PDE3A: variants seen among roughly 807,000 people sequenced by gnomAD.
The protein encoded by PDE3A is phosphodiesterase 3A.
PDE3A carries 43 observed loss-of-function variants against 98.3 expected under a neutral mutation model. The observed-to-expected ratio is 0.44, with a 90% CI of 0.34 to 0.56. PDE3A has a LOEUF of 0.56. Ranked by LOEUF, PDE3A falls within the 20% of genes least tolerant of loss-of-function variation. The pLI, the probability that PDE3A is intolerant of heterozygous loss-of-function variation, is 0.01. For synonymous variants in PDE3A, 663 were observed against 567.9 expected (o/e 1.17, Z -2.38); for missense variants, 1,427 against 1,440.7 (o/e 0.99, Z 0.15).
chr12:20,369,658 G>A lies in PDE3A; in HGVS notation c.374G>A (p.Arg125Gln), dbSNP rs756739153. The stretch of plus-strand genomic sequence containing the variant: ...GGAGGTGCTCCCGGGGGCGGTGCGC[G>A]GCTCAGCCCCTGGCTGCAGCCCTCG... ...PRGGAPGGGA[R>Q]LSPWLQPSAL... The change falls in exon 1 of 16, where the codon CGG (arginine) becomes CAG (glutamine). Residue 125 changes from arginine to glutamine, a missense_variant. This residue lies in a region of PDE3A where 1,012 missense variants were observed against 886.5 expected (regional missense o/e 1.14). Coordinates refer to ENST00000359062, the MANE Select transcript of PDE3A (RefSeq NM_000921.5). The A allele has an allele frequency of 6.2e-6, 10 of 1,603,450 alleles. No homozygotes were observed. Among genetic ancestry groups the A allele is most frequent in the African/African-American group, 1.3e-5 (1 of 74,792 alleles).
chr12:20,567,007 T>A (rs1473972840), intron 2 of PDE3A, among the ~76,000 whole-genome samples: 3 of 151,942 alleles, frequency 2.0e-5, no homozygotes, highest in Non-Finnish European at 4.4e-5. Context: ...TAAAGAGTAC[T>A]CCAATTAACT....
At position 20,639,802 on chromosome 12, in the gene PDE3A, C is replaced by T. The variant is rs777552600; in HGVS notation, c.2140-44C>T. The T allele has an allele frequency of 4.7e-6, 4 of 849,760 alleles. No homozygotes were observed. In the South Asian group the frequency reaches 5.5e-5, roughly 12 times the overall value. The allele number at this position is 849,760 out of a possible 1,614,324, so 52.6% of individuals were successfully genotyped here. On this transcript the variant is annotated intron_variant, in intron 9 of 15. Transcript: ENST00000359062. ...TCACCACTGTTCTCTTTATGTCTGA[C>T]ATACACATAGGGATGTTTCATAAGG...
chr12:20,574,743 T>C (rs1032546124), intron 2 of PDE3A, among the ~76,000 whole-genome samples: 2 of 151,976 alleles, frequency 1.3e-5, no homozygotes, highest in African/African-American at 2.4e-5. Flanking sequence ...CCTTGGACCA[T>C]AGAGGATCAA....
intron 2 of PDE3A, among the ~76,000 whole-genome samples, chr12:20,597,850 A>T (rs1444178123): frequency 6.6e-6 from 1 of 151,930 alleles, no homozygotes; most frequent in Non-Finnish European, 1.5e-5. Context: ...ATTTCAGTTA[A>T]TATTTGTCAA....
At chr12:20,608,800 T>C (rs1943776698) in intron 2 of PDE3A, among the ~76,000 whole-genome samples, 1 of 152,040 alleles carries the variant, frequency 6.6e-6, no homozygotes, top group Non-Finnish European at 1.5e-5. Flanking sequence ...TTCAGATTTG[T>C]AGATTTTGTA....
chr12:20,604,923 G>T (rs1943674976), intron 2 of PDE3A, among the ~76,000 whole-genome samples: 1 of 152,102 alleles, frequency 6.6e-6, no homozygotes, highest in African/African-American at 2.4e-5. Context: ...CTTTATAGTG[G>T]AAACAACTTA....
chr12:20,527,202 G>A (rs1056783159), intron 1 of PDE3A, among the ~76,000 whole-genome samples: 3 of 151,936 alleles, frequency 2.0e-5, no homozygotes, highest in Admixed American at 6.6e-5. Context: ...GTGCCCGGCC[G>A]TGTTTTTTTG....
At chr12:20,384,522 A>T (rs1330865170) in intron 1 of PDE3A, among the ~76,000 whole-genome samples, 1 of 151,898 alleles carries the variant, frequency 6.6e-6, no homozygotes, top group Non-Finnish European at 1.5e-5. Flanking sequence ...TTTTTTAAAA[A>T]TTTTAATTTA....
At chr12:20,645,749 T>G (rs976362969) in intron 10 of PDE3A, among the ~76,000 whole-genome samples, 1 of 151,986 alleles carries the variant, frequency 6.6e-6, no homozygotes, top group African/African-American at 2.4e-5. Context: ...GATGATGGCA[T>G]TATGACCAGA....
chr12:20,383,135 T>C (rs1246121036), intron 1 of PDE3A, among the ~76,000 whole-genome samples: 4 of 151,898 alleles, frequency 2.6e-5, no homozygotes, highest in Admixed American at 6.6e-5. Context: ...AGTCTTTGAA[T>C]GTCTTCGTAA....
intron 1 of PDE3A, among the ~76,000 whole-genome samples, chr12:20,554,580 CTTTCTTTTTTT>C (rs1055524587): frequency 2.5e-4 from 37 of 149,640 alleles, no homozygotes; most frequent in African/African-American, 7.4e-4. Flanking sequence ...TTTTCTTTTT[CTTTCTTTTTTT>C]TTTCTTTTTT....
At chr12:20,542,734 T>C (rs1405085972) in intron 1 of PDE3A, among the ~76,000 whole-genome samples, 1 of 152,052 alleles carries the variant, frequency 6.6e-6, no homozygotes, top group African/African-American at 2.4e-5. Context: ...TTTATTATTT[T>C]CCCTAGGATT....
intron 1 of PDE3A, among the ~76,000 whole-genome samples, chr12:20,442,023 T>C (rs1031077045): frequency 3.9e-5 from 6 of 152,172 alleles, no homozygotes; most frequent in African/African-American, 1.4e-4. Context: ...TGGATGACCC[T>C]TTTGCATTTC....
At chr12:20,438,652 C>T (rs182470196) in intron 1 of PDE3A, among the ~76,000 whole-genome samples, 1 of 152,172 alleles carries the variant, frequency 6.6e-6, no homozygotes, top group African/African-American at 2.4e-5. Context: ...TAGCATGTTT[C>T]CTCTGACACA....
intron 15 of PDE3A, among the ~76,000 whole-genome samples, chr12:20,665,451 A>C (rs1027101269): frequency 3.3e-5 from 5 of 152,222 alleles, no homozygotes; most frequent in African/African-American, 1.2e-4. Context: ...CATTTGGTCA[A>C]AGAAAATGTA....
At chr12:20,633,635 T>C in intron 6 of PDE3A, 58 bp from the exon 7 acceptor site, 1 of 846,250 alleles carries the variant, frequency 1.2e-6, no homozygotes, top group Non-Finnish European at 1.9e-6. Flanking sequence ...AGATGGTATG[T>C]GCCTATGACT....
chr12:20,402,305 C>T (rs773764837), intron 1 of PDE3A, among the ~76,000 whole-genome samples: 5 of 152,090 alleles, frequency 3.3e-5, no homozygotes, highest in South Asian at 2.1e-4. Flanking sequence ...TGTGCCACCA[C>T]GCCCTGCTAA....
Position 20,683,178 on chromosome 12 carries a change from C to G in PDE3A, c.*2907C>G, listed in dbSNP as rs1013879181. On this transcript the variant is annotated 3_prime_UTR_variant, in exon 16 of 16. Transcript: ENST00000359062. ...GAAGATCCACTAAGTTTGTGACTTT[C>G]ATACACACCCAGTACATCTCAAAGG... 2 of 152,190 alleles carry G rather than the reference C, an allele frequency of 1.3e-5. No individual in the cohort carries two copies. Among genetic ancestry groups the G allele is most frequent in the Admixed American group, 1.3e-4 (2 of 15,270 alleles). The allele number at this position is 152,190 out of a possible 1,614,324, so 9.4% of individuals were successfully genotyped here.
intron 1 of PDE3A, among the ~76,000 whole-genome samples, chr12:20,543,926 A>T (rs534132070): frequency 6.6e-6 from 1 of 151,908 alleles, no homozygotes; most frequent in Non-Finnish European, 1.5e-5. Context: ...AGTCATGGAG[A>T]CATGAAACTG....
Sources: allele counts gnomAD v4.1 joint callset (sites outside exome capture counted in the v4.1 genomes callset), GRCh38; gene constraint gnomAD v4.1.1; regional missense constraint gnomAD v4.1.1; transcripts MANE v1.5; gene names NCBI Gene and HGNC (gene_info 2026-07-23, HGNC 2026-07-21).